The following UNC13B variants were observed in gnomAD, a reference collection of about 807,000 sequenced individuals.
UNC13B encodes the protein unc-13 homolog B.
A neutral mutation model predicts 211.0 loss-of-function variants in UNC13B; 144 were observed. The ratio of observed to expected loss-of-function variants is 0.68; its 90% CI spans 0.60 to 0.78. UNC13B has a LOEUF of 0.78. UNC13B is among the 30% of genes least tolerant of loss of function. The probability of loss-of-function intolerance (pLI) is 0.00; values close to 1 mark genes in which losing one functional copy is unlikely to be tolerated. For synonymous variants in UNC13B, 709 were observed against 725.8 expected (o/e 0.98, Z 0.37); for missense variants, 1,777 against 2,002.0 (o/e 0.89, Z 2.14).
At chr9:35,169,475 G>T (rs557012736) in intron 1 of UNC13B, among the ~76,000 whole-genome samples, 29 of 152,332 alleles carry the variant, frequency 1.9e-4, no homozygotes, top group African/African-American at 7.0e-4. Context: ...GAATGGTAAT[G>T]ATATTAGAGT....
chr9:35,203,391 G>T (rs927576218), intron 1 of UNC13B, among the ~76,000 whole-genome samples: 1 of 152,158 alleles, frequency 6.6e-6, no homozygotes, highest in Non-Finnish European at 1.5e-5. Context: ...GTCTGTAAAG[G>T]ATTTTATTTC....
rs778714280 is a variant in UNC13B, at chr9:35,378,288, G to C, written c.10064-7G>C. On this transcript the variant is annotated splice_polypyrimidine_tract_variant and splice_region_variant and intron_variant, in intron 16 of 39. Transcript: ENST00000635942. ...TCTGAAGCCTCCTATACATGCTTGG[G>C]TTGCAGTGGTGTGTGCCCAGGGCCT... is the stretch of plus-strand genomic sequence containing the variant. 5 of 1,613,992 alleles carry C rather than the reference G, an allele frequency of 3.1e-6. No individual in the cohort carries two copies. Among genetic ancestry groups the C allele is most frequent in the Admixed American group, 1.7e-5 (1 of 59,988 alleles).
rs1012330896 is a variant in UNC13B, at chr9:35,364,495, T to C, written c.9415-2452T>C. On this transcript the variant is annotated intron_variant, in intron 11 of 39. Transcript: ENST00000635942. Reference sequence around the variant, plus strand: ...TCTTTGGGTTCCCTACTTATAGGACTGACTCTACTAACCTTTCTGCCCTTT... The same window carrying C: ...TCTTTGGGTTCCCTACTTATAGGACCGACTCTACTAACCTTTCTGCCCTTT... The C allele has an allele frequency of 2.0e-6, 3 of 1,533,674 alleles. No homozygotes were observed. The African/African-American group carries it at 4.1e-5, about 21-fold the overall frequency.
intron 1 of UNC13B, among the ~76,000 whole-genome samples, chr9:35,200,373 A>G (rs538792254): frequency 6.6e-6 from 1 of 152,224 alleles, no homozygotes; most frequent in Non-Finnish European, 1.5e-5. Flanking sequence ...TTCTGTGAAG[A>G]AAGTCATTGG....
chr9:35,246,013 T>C (rs1361895678), intron 6 of UNC13B, among the ~76,000 whole-genome samples: 1 of 152,202 alleles, frequency 6.6e-6, no homozygotes, highest in Non-Finnish European at 1.5e-5. Context: ...CCAGCACCTG[T>C]TGTTTCCTGA....
At chr9:35,350,814 G>C (rs1241555995) in intron 11 of UNC13B, among the ~76,000 whole-genome samples, 11 of 152,204 alleles carry the variant, frequency 7.2e-5, no homozygotes. Flanking sequence ...GCACAGGCAG[G>C]GGTAAACTTT....
rs527729622 is a variant in UNC13B, at chr9:35,249,907, T to C, written c.468+6543T>C. ...CTAGGGTATGGCACTCACTACATTT[T>C]CATCTTTCATCCTCTCTTCCACTGT... On this transcript the variant is annotated intron_variant, in intron 6 of 39. Coordinates refer to ENST00000635942, the MANE Select transcript of UNC13B (RefSeq NM_001371189.2). 5.3e-5 allele frequency among the ~76,000 whole-genome samples: 8 copies of C among 152,366 alleles called. No individual in the cohort carries two copies. In the East Asian group the frequency reaches 1.2e-3, roughly 22 times the overall value.
At chr9:35,328,407 T>G (rs1831142651) in intron 11 of UNC13B, among the ~76,000 whole-genome samples, 1 of 152,152 alleles carries the variant, frequency 6.6e-6, no homozygotes, top group African/African-American at 2.4e-5. Context: ...GCCAGAAGGA[T>G]TCATGTGGTT....
chr9:35,347,086 G>C (rs1832405434), intron 11 of UNC13B, among the ~76,000 whole-genome samples: 1 of 151,992 alleles, frequency 6.6e-6, no homozygotes, highest in African/African-American at 2.4e-5. Context: ...TTTTTGTAGA[G>C]ACGTGATCTC....
chr9:35,321,279 G>A (rs1033632819), intron 11 of UNC13B, among the ~76,000 whole-genome samples: 1 of 151,936 alleles, frequency 6.6e-6, no homozygotes, highest in African/African-American at 2.4e-5. Context: ...GGAGTGCAGT[G>A]GTACAAGCAC....
At chr9:35,323,362 C>T (rs1398830247) in intron 11 of UNC13B, among the ~76,000 whole-genome samples, 1 of 152,160 alleles carries the variant, frequency 6.6e-6, no homozygotes, top group African/African-American at 2.4e-5. Context: ...TTTATATACT[C>T]TGCCCCCATT....
At chr9:35,299,973 A>G (rs2131820333) in intron 8 of UNC13B, among the ~76,000 whole-genome samples, 193 bp from the exon 9 acceptor site, 1 of 152,308 alleles carries the variant, frequency 6.6e-6, no homozygotes, top group South Asian at 2.1e-4. Context: ...AAAATATCAC[A>G]AGAGTTTCTA....
In UNC13B at chr9:35,361,562, G is replaced by A. The variant is rs368739844; in HGVS notation, c.9415-5385G>A. 11 of 152,264 alleles carry A rather than the reference G, an allele frequency of 7.2e-5. No individual in the cohort carries two copies. In the East Asian group the frequency reaches 1.9e-3, roughly 27 times the overall value. The allele number at this position is 152,264 out of a possible 1,614,324, so 9.4% of individuals were successfully genotyped here. A position where few individuals can be genotyped will look rare whatever the true frequency, so the allele number is the denominator to read the frequency against. ...CTTTTACTACATAGAAATGATAGGCGATGTGCTAAGCCCTCAGGCTACAAA... is the reference window on the plus strand; with the variant it reads ...CTTTTACTACATAGAAATGATAGGCAATGTGCTAAGCCCTCAGGCTACAAA... On this transcript the variant is annotated intron_variant, in intron 11 of 39. Transcript: ENST00000635942.
At chr9:35,162,441 C>A in intron 1 of UNC13B, 136 bp downstream of exon 1, 1 of 1,181,862 alleles carries the variant, frequency 8.5e-7, no homozygotes, top group South Asian at 1.6e-5. Context: ...TTTTGGCAAT[C>A]ACTTAACAAT....
At chr9:35,369,119 G>A (rs1833959278) in intron 12 of UNC13B, among the ~76,000 whole-genome samples, 1 of 152,134 alleles carries the variant, frequency 6.6e-6, no homozygotes, top group Non-Finnish European at 1.5e-5. Context: ...TATGTTCAGG[G>A]AGCTGTTTTA....
intron 1 of UNC13B, among the ~76,000 whole-genome samples, chr9:35,188,709 G>A (rs1216664093): frequency 2.0e-5 from 3 of 152,086 alleles, no homozygotes; most frequent in Non-Finnish European, 4.4e-5. Flanking sequence ...ATTTCAGATC[G>A]CCATAAATTG....
Position 35,302,568 on chromosome 9 carries a change from G to A in UNC13B, c.3164G>A (p.Gly1055Glu), listed in dbSNP as rs1829738924. The change falls in exon 9 of 40, where the codon GGG (glycine) becomes GAG (glutamate). Residue 1055 changes from glycine (G) to glutamate (E), a missense_variant. By Grantham distance (98) the Gly-to-Glu change is moderately conservative. Transcript: ENST00000635942. Reference protein sequence around the residue: ...DSVTNINNDLGKFGNIEELNP... With the variant: ...DSVTNINNDLEKFGNIEELNP... ...GTTACAAATATTAATAATGATCTGG[G>A]GAAATTTGGGAATATAGAGGAATTA... 1 of 398,576 alleles carries A rather than the reference G, an allele frequency of 2.5e-6. No homozygotes were observed. 24.7% of individuals were successfully genotyped at this position (398,576 alleles called of 1,614,324 possible).
intron 6 of UNC13B, among the ~76,000 whole-genome samples, chr9:35,249,458 C>T (rs6476480): frequency 0.54 from 82,600 of 151,978 alleles, 22,782 homozygotes; most frequent in Non-Finnish European, 0.58. Flanking sequence ...CATCGATGGT[C>T]CTTACAATTT....
intron 1 of UNC13B, among the ~76,000 whole-genome samples, chr9:35,221,290 G>GA (rs1824551581): frequency 6.6e-6 from 1 of 152,082 alleles, no homozygotes; most frequent in South Asian, 2.1e-4. Flanking sequence ...GGCTGGTCTG[G>GA]AATTCCTGAG....
Sources: gnomAD v4.1 joint callset for allele counts (sites outside exome capture counted in the v4.1 genomes callset) on GRCh38, gnomAD v4.1.1 for gene constraint, MANE v1.5 for transcripts, NCBI Gene and HGNC (gene_info 2026-07-23, HGNC 2026-07-21) for gene names.